Variants in OR2L13 observed in about 807,000 individuals in gnomAD.
OR2L13 encodes the protein olfactory receptor family 2 subfamily L member 13.
A neutral mutation model predicts 15.3 loss-of-function variants in OR2L13; 14 were observed. The ratio of observed to expected loss-of-function variants is 0.91; its 90% CI spans 0.60 to 1.43. OR2L13 has a LOEUF of 1.43. Among genes scored for constraint, OR2L13 ranks in the 40% most tolerant of loss-of-function variants. OR2L13 has a pLI of 0.00. For synonymous variants in OR2L13, 152 were observed against 142.9 expected (o/e 1.06, Z -0.45); for missense variants, 367 against 387.9 (o/e 0.95, Z 0.45).
chr1:248,075,660 A>G, the OR2L13 span, among the ~76,000 whole-genome samples: 1 of 152,266 alleles, frequency 6.6e-6, no homozygotes, highest in African/African-American at 2.4e-5. Flanking sequence ...TCTTTTGAGA[A>G]GTGTCTGTTC....
At chr1:248,056,993 G>A in the OR2L13 span, among the ~76,000 whole-genome samples, 1 of 152,104 alleles carries the variant, frequency 6.6e-6, no homozygotes. Flanking sequence ...TTGTGCTGTG[G>A]TCTGAGAGAC....
chr1:248,096,239 C>T (rs368522557), upstream of OR2L13, among the ~76,000 whole-genome samples: 47 of 151,832 alleles, frequency 3.1e-4, no homozygotes, highest in African/African-American at 4.8e-4. Context: ...AAAAATTAGC[C>T]GGGCGTGGTG....
At chr1:248,086,890 A>G in the OR2L13 span, among the ~76,000 whole-genome samples, 46 of 151,206 alleles carry the variant, frequency 3.0e-4, no homozygotes, top group Admixed American at 1.3e-4. Flanking sequence ...ATATATTTAT[A>G]TTTATTTCTA....
the OR2L13 span, among the ~76,000 whole-genome samples, chr1:248,010,763 G>GTTTTTTTTTTTTTTTTTTTTTTTTT: frequency 9.0e-5 from 4 of 44,462 alleles, no homozygotes; most frequent in African/African-American, 4.0e-4. Context: ...CTTTGTTGTT[G>GTTTTTTTTTTTTTTTTTTTTTTTTT]TTTTTTTTTT....
chr1:248,031,444 G>A, the OR2L13 span, among the ~76,000 whole-genome samples: 1 of 152,250 alleles, frequency 6.6e-6, no homozygotes, highest in Non-Finnish European at 1.5e-5. Context: ...GGGGAAGCAG[G>A]ACAGGCTTCT....
the OR2L13 span, among the ~76,000 whole-genome samples, chr1:247,967,093 C>T: frequency 5.5e-5 from 8 of 146,678 alleles, no homozygotes; most frequent in East Asian, 9.8e-4. Flanking sequence ...GCCACCCAGG[C>T]ACTTCTGACA....
chr1:247,951,838 C>T, the OR2L13 span, among the ~76,000 whole-genome samples: 1 of 152,202 alleles, frequency 6.6e-6, no homozygotes, highest in African/African-American at 2.4e-5. Context: ...CTCCTCTCTT[C>T]CAAGCTAGGG....
At chr1:248,028,425 C>T in the OR2L13 span, among the ~76,000 whole-genome samples, 1 of 152,144 alleles carries the variant, frequency 6.6e-6, no homozygotes, top group African/African-American at 2.4e-5. Flanking sequence ...ATGGTTATCA[C>T]CTGAATTTTG....
At chr1:247,993,102 G>C in the OR2L13 span, among the ~76,000 whole-genome samples, 1 of 152,028 alleles carries the variant, frequency 6.6e-6, no homozygotes, top group East Asian at 1.9e-4. Context: ...TTGTGGCTCT[G>C]ATTTGCATTT....
the OR2L13 span, among the ~76,000 whole-genome samples, chr1:248,047,857 T>C: frequency 9.7e-3 from 1,477 of 152,288 alleles, 15 homozygotes; most frequent in African/African-American, 0.033. Context: ...CAGGTTCTCT[T>C]CAGTGATACA....
the OR2L13 span, among the ~76,000 whole-genome samples, chr1:247,948,427 T>G: frequency 6.6e-6 from 1 of 152,154 alleles, no homozygotes; most frequent in Non-Finnish European, 1.5e-5. Context: ...GGTATCTTTC[T>G]TATAAATTTA....
the OR2L13 span, among the ~76,000 whole-genome samples, chr1:248,057,282 A>G: frequency 4.2e-4 from 64 of 152,224 alleles, no homozygotes; most frequent in African/African-American, 1.5e-3. Context: ...GTCTCTTTGT[A>G]GGTCTCTAGG....
chr1:247,953,754 G>C, the OR2L13 span, among the ~76,000 whole-genome samples: 1 of 151,868 alleles, frequency 6.6e-6, no homozygotes, highest in African/African-American at 2.4e-5. Context: ...ATACTCTTTC[G>C]GTACCCTCCC....
At chr1:247,961,451 T>C in the OR2L13 span, among the ~76,000 whole-genome samples, 431 of 152,306 alleles carry the variant, frequency 2.8e-3, 2 homozygotes, top group African/African-American at 9.5e-3. Context: ...TGATAAGTAA[T>C]CTACAAGCCT....
At chr1:248,083,138 T>C in the OR2L13 span, among the ~76,000 whole-genome samples, 3 of 152,226 alleles carry the variant, frequency 2.0e-5, no homozygotes, top group East Asian at 5.8e-4. Context: ...CATGCAACTA[T>C]ATTTTAAAAT....
the OR2L13 span, among the ~76,000 whole-genome samples, chr1:247,974,453 G>C: frequency 6.6e-6 from 1 of 151,930 alleles, no homozygotes; most frequent in Admixed American, 6.6e-5. Flanking sequence ...TATTTTGACA[G>C]AGAGAAAAAA....
chr1:247,966,750 C>T, the OR2L13 span, among the ~76,000 whole-genome samples: 1 of 152,162 alleles, frequency 6.6e-6, no homozygotes, highest in Admixed American at 6.5e-5. Context: ...GATCGGCAAA[C>T]TTAATTTCTG....
chr1:248,055,959 G>T, the OR2L13 span: 2 of 152,128 alleles, frequency 1.3e-5, no homozygotes, highest in African/African-American at 2.4e-5. Flanking sequence ...CTTGTTATTG[G>T]TCTATTTAGG....
At chr1:247,991,088 C>T in the OR2L13 span, 21 of 1,595,164 alleles carry the variant, frequency 1.3e-5, no homozygotes, top group Non-Finnish European at 1.8e-5. Context: ...AAGGTTCTGG[C>T]TGTCTTCTAC....
Sources: allele counts gnomAD v4.1 joint callset (sites outside exome capture counted in the v4.1 genomes callset), GRCh38; gene constraint gnomAD v4.1.1; transcripts MANE v1.5; gene names NCBI Gene and HGNC (gene_info 2026-07-23, HGNC 2026-07-21).